The following PSD2 variants were observed in gnomAD, a reference collection of about 807,000 sequenced individuals.
PSD2 encodes the protein PH and SEC7 domain-containing protein 2.
A neutral mutation model predicts 69.8 loss-of-function variants in PSD2; 38 were observed. The ratio of observed to expected loss-of-function variants is 0.54; its 90% CI spans 0.42 to 0.71. PSD2 has a LOEUF of 0.71. Ranked by LOEUF, PSD2 falls within the 30% of genes least tolerant of loss-of-function variation. PSD2 has a pLI of 0.00. For missense variants in PSD2, 943 were observed against 1,014.5 expected, an observed-to-expected ratio of 0.93 and a Z score of 0.96; for synonymous variants, 412 against 423.0, an observed-to-expected ratio of 0.97 and a Z score of 0.32.
intron 1 of PSD2, among the ~76,000 whole-genome samples, chr5:139,800,958 A>C (rs1759656961): frequency 6.6e-6 from 1 of 152,080 alleles, no homozygotes; most frequent in Admixed American, 6.5e-5. Context: ...AAATCCCATC[A>C]CTTTGGGAGG....
the PSD2 span, among the ~76,000 whole-genome samples, chr5:139,748,022 G>A: frequency 6.6e-6 from 1 of 152,250 alleles, no homozygotes; most frequent in Non-Finnish European, 1.5e-5. Flanking sequence ...CGGTAATGAG[G>A]TCACCGTCAC....
intron 14 of PSD2, among the ~76,000 whole-genome samples, chr5:139,841,774 CTTG>C (rs1225934022): frequency 6.6e-6 from 1 of 152,140 alleles, no homozygotes; most frequent in African/African-American, 2.4e-5. Flanking sequence ...TTTTCATGTG[CTTG>C]TTGGCCGTTT....
upstream of PSD2, among the ~76,000 whole-genome samples, chr5:139,791,275 T>C (rs1030414114): frequency 4.0e-5 from 6 of 151,752 alleles, no homozygotes; most frequent in Non-Finnish European, 8.8e-5. Context: ...ACAAAAAATA[T>C]AAAAATTAGC....
At chr5:139,818,629 G>A (rs781376218) in intron 5 of PSD2, among the ~76,000 whole-genome samples, 34 of 152,058 alleles carry the variant, frequency 2.2e-4, no homozygotes, top group East Asian at 5.8e-4. Flanking sequence ...GGATATTTTC[G>A]GTTGACCTGT....
At chr5:139,831,380 G>T (rs1047392029) in intron 7 of PSD2, among the ~76,000 whole-genome samples, 3 of 152,088 alleles carry the variant, frequency 2.0e-5, no homozygotes, top group African/African-American at 7.2e-5. Context: ...ATGTTAATTT[G>T]AACATTTAAT....
At chr5:139,819,267 G>A (rs1285295594) in intron 5 of PSD2, among the ~76,000 whole-genome samples, 1 of 152,192 alleles carries the variant, frequency 6.6e-6, no homozygotes, top group Non-Finnish European at 1.5e-5. Context: ...ATGGCTCAGG[G>A]TTTGCTCTGA....
chr5:139,816,115 C>T (rs1330138626), intron 4 of PSD2, among the ~76,000 whole-genome samples: 1 of 151,592 alleles, frequency 6.6e-6, no homozygotes, highest in Non-Finnish European at 1.5e-5. Flanking sequence ...ATTCTCATTT[C>T]ATCTATGACC....
chr5:139,826,603 C>A (rs1242393793), intron 7 of PSD2, among the ~76,000 whole-genome samples: 1 of 152,098 alleles, frequency 6.6e-6, no homozygotes, highest in African/African-American at 2.4e-5. Context: ...AGGTCCTGAG[C>A]TGAGAGTGAA....
chr5:139,834,217 T>C (rs1760660710), intron 8 of PSD2, among the ~76,000 whole-genome samples: 1 of 152,170 alleles, frequency 6.6e-6, no homozygotes, highest in African/African-American at 2.4e-5. Flanking sequence ...CTCTAGCCTT[T>C]CTAGTCTGGT....
the PSD2 span, among the ~76,000 whole-genome samples, chr5:139,783,080 A>G: frequency 6.6e-6 from 1 of 152,162 alleles, no homozygotes; most frequent in African/African-American, 2.4e-5. Flanking sequence ...GATATTTCAT[A>G]TAAATTGGAA....
chr5:139,778,177 T>C, the PSD2 span, among the ~76,000 whole-genome samples: 1 of 152,208 alleles, frequency 6.6e-6, no homozygotes, highest in Non-Finnish European at 1.5e-5. Context: ...ATAAGTGTGG[T>C]TCCCAAGGGA....
chr5:139,837,279 C>T lies in PSD2; in HGVS notation c.1665+41C>T, dbSNP rs768953899. On this transcript the variant is annotated intron_variant, in intron 11 of 14. Coordinates refer to ENST00000274710, the MANE Select transcript of PSD2 (RefSeq NM_032289.4). The surrounding 1 kb of genome is among the most constrained non-coding windows in gnomAD (Gnocchi z 5.0). Reference sequence around the variant, plus strand: ...AGAGACCTTACTCAGAAAGGGCCAGCTCAGTCCCATCCCGCCCTGGCCTTG... The same window carrying T: ...AGAGACCTTACTCAGAAAGGGCCAGTTCAGTCCCATCCCGCCCTGGCCTTG... The T allele has an allele frequency of 2.1e-5, 34 of 1,594,276 alleles. No homozygotes were observed. Among genetic ancestry groups the T allele is most frequent in the Admixed American group, 5.0e-5 (3 of 59,442 alleles).
At chr5:139,803,204 A>G (rs114981469) in intron 1 of PSD2, among the ~76,000 whole-genome samples, 1,829 of 152,282 alleles carry the variant, frequency 0.012, 37 homozygotes, top group African/African-American at 0.042. Context: ...AAGGGAGGGG[A>G]TGCCCTCTCT....
chr5:139,789,504 G>A, the PSD2 span, among the ~76,000 whole-genome samples: 1 of 152,184 alleles, frequency 6.6e-6, no homozygotes, highest in Admixed American at 6.5e-5. Flanking sequence ...CTAGAGCCTG[G>A]GAGGTCAAGG....
At chr5:139,796,313 C>T (rs935887763) in intron 1 of PSD2, among the ~76,000 whole-genome samples, 1 of 152,198 alleles carries the variant, frequency 6.6e-6, no homozygotes, top group African/African-American at 2.4e-5. Flanking sequence ...ACCCACTACC[C>T]TCTCCCCGCT....
At chr5:139,833,097 G>A (rs1179641793) in intron 7 of PSD2, among the ~76,000 whole-genome samples, 1 of 152,210 alleles carries the variant, frequency 6.6e-6, no homozygotes, top group East Asian at 1.9e-4. Flanking sequence ...CTGCCCCTCT[G>A]TGCAGGTGAG....
At position 139,833,811 on chromosome 5, in the gene PSD2, C is replaced by T. The variant is rs752018209; in HGVS notation, c.1359+20C>T. Reference sequence around the variant, plus strand: ...CTGAAGGTACTGTCTGCTGAGTGTCCCCATCCCACTAGCTGTGCCCTGAAT... The same window carrying T: ...CTGAAGGTACTGTCTGCTGAGTGTCTCCATCCCACTAGCTGTGCCCTGAAT... On this transcript the variant is annotated intron_variant, in intron 8 of 14. Coordinates refer to ENST00000274710, the MANE Select transcript of PSD2 (RefSeq NM_032289.4). The T allele has an allele frequency of 2.6e-6, 4 of 1,559,146 alleles. No individual in the cohort carries two copies. Among genetic ancestry groups the T allele is most frequent in the African/African-American group, 1.4e-5 (1 of 73,894 alleles).
the PSD2 span, among the ~76,000 whole-genome samples, chr5:139,746,822 T>C: frequency 1.3e-5 from 2 of 152,150 alleles, no homozygotes. The surrounding 1 kb of genome is among the most constrained non-coding windows in gnomAD (Gnocchi z 4.5). Flanking sequence ...GGCGTAGCGA[T>C]GGAGGGCGCA....
chr5:139,800,463 T>A (rs1026665832), intron 1 of PSD2, among the ~76,000 whole-genome samples: 1 of 152,194 alleles, frequency 6.6e-6, no homozygotes, highest in African/African-American at 2.4e-5. Flanking sequence ...GGTCTCACTA[T>A]GTTGCCAGAG....
Sources: gnomAD v4.1 joint callset for allele counts (sites outside exome capture counted in the v4.1 genomes callset) on GRCh38, gnomAD v4.1.1 for gene constraint, Gnocchi (gnomAD v3.1) non-coding constraint, MANE v1.5 for transcripts, NCBI Gene and HGNC (gene_info 2026-07-23, HGNC 2026-07-21) for gene names.